Variants in FNDC3B observed in about 807,000 individuals in gnomAD.
FNDC3B encodes the protein fibronectin type III domain containing 3B, also known as fibronectin type III domain-containing protein 3B.
Under a neutral mutation model 151.5 loss-of-function variants are expected in FNDC3B, and 12 were observed. The ratio of observed to expected loss-of-function variants is 0.08; its 90% CI spans 0.05 to 0.13. FNDC3B has a LOEUF of 0.13. Among genes scored for constraint, FNDC3B ranks in the 10% least tolerant of loss-of-function variants. The pLI is 1.00. For missense variants in FNDC3B, 1,214 were observed against 1,505.3 expected (o/e 0.81, Z 3.20); for synonymous variants, 528 against 549.0 (o/e 0.96, Z 0.54).
chr3:172,144,077 T>A (rs1246198640), intron 3 of FNDC3B, among the ~76,000 whole-genome samples: 4 of 152,118 alleles, frequency 2.6e-5, no homozygotes. Flanking sequence ...ATAGGAAGCT[T>A]GGTGCTGGGA....
chr3:172,247,833 A>T, intron 5 of FNDC3B, 57 bp downstream of exon 5: 1 of 1,577,294 alleles, frequency 6.3e-7, no homozygotes. Context: ...GCGTTTCAAT[A>T]GTTCAAGGCG....
intron 3 of FNDC3B, among the ~76,000 whole-genome samples, chr3:172,204,852 TG>T (rs1383472663): frequency 1.3e-5 from 2 of 152,104 alleles, no homozygotes; most frequent in Non-Finnish European, 2.9e-5. Flanking sequence ...CTTGGTTGAG[TG>T]GGTGGAAAAA....
At chr3:172,173,137 T>C (rs561450634) in intron 3 of FNDC3B, among the ~76,000 whole-genome samples, 139 of 152,270 alleles carry the variant, frequency 9.1e-4, no homozygotes, top group Non-Finnish European at 8.8e-4. Context: ...AGTATAGAGT[T>C]AGAGATAAAG....
intron 1 of FNDC3B, among the ~76,000 whole-genome samples, chr3:172,048,386 G>T (rs187911005): frequency 3.9e-5 from 6 of 152,054 alleles, no homozygotes; most frequent in African/African-American, 9.6e-5. Flanking sequence ...TTCGATCATG[G>T]TTTTTTTAAT....
intron 7 of FNDC3B, among the ~76,000 whole-genome samples, chr3:172,290,328 A>G (rs1479318712): frequency 1.3e-5 from 2 of 152,198 alleles, no homozygotes; most frequent in African/African-American, 4.8e-5. Flanking sequence ...TTTAAATTTT[A>G]TTAAAATGGT....
chr3:172,292,410 T>C lies in FNDC3B; in HGVS notation c.850-2953T>C, dbSNP rs1264632695. 2.6e-5 allele frequency among the ~76,000 whole-genome samples: 4 copies of C among 152,328 alleles called. No individual in the cohort carries two copies. In the East Asian group the frequency reaches 7.7e-4, roughly 29 times the overall value. On this transcript the variant is annotated intron_variant, in intron 7 of 25. Transcript: ENST00000415807. ...TTAGGGACTCTAGGGAAAAAGTGAA[T>C]GTTATTTTAGTTGATGCTTCAAGTG...
At chr3:172,384,682 C>T (rs1198133067) in intron 25 of FNDC3B, among the ~76,000 whole-genome samples, 2 of 152,314 alleles carry the variant, frequency 1.3e-5, no homozygotes, top group East Asian at 1.9e-4. Context: ...TTGAAAAAAG[C>T]AGCATTATTT....
intron 3 of FNDC3B, among the ~76,000 whole-genome samples, chr3:172,140,664 G>A (rs891486283): frequency 6.6e-6 from 1 of 152,202 alleles, no homozygotes; most frequent in Non-Finnish European, 1.5e-5. Flanking sequence ...AGGAATGAGA[G>A]CAAAGGCTGT....
intron 3 of FNDC3B, among the ~76,000 whole-genome samples, chr3:172,182,907 A>G (rs1376736416): frequency 6.6e-6 from 1 of 152,248 alleles, no homozygotes; most frequent in Non-Finnish European, 1.5e-5. Context: ...TTCAGCTCTG[A>G]AACTTCACCT....
At chr3:172,169,721 G>A (rs34099906) in intron 3 of FNDC3B, among the ~76,000 whole-genome samples, 51,293 of 152,070 alleles carry the variant, frequency 0.34, 9,793 homozygotes, top group East Asian at 0.53. Context: ...AGTGAGAAAA[G>A]CTGCACAGGT....
chr3:172,333,488 A>ATTTTTTTTTTTTTTT (rs748224819), intron 14 of FNDC3B, among the ~76,000 whole-genome samples: 1 of 102,834 alleles, frequency 9.7e-6, no homozygotes, highest in Non-Finnish European at 1.9e-5. Flanking sequence ...TGCCCGGCTA[A>ATTTTTTTTTTTTTTT]TTTTTTTTTT....
chr3:172,076,010 G>C (rs2108492585), intron 1 of FNDC3B, among the ~76,000 whole-genome samples: 1 of 152,188 alleles, frequency 6.6e-6, no homozygotes, highest in South Asian at 2.1e-4. Flanking sequence ...TGGTTAGCTT[G>C]TTTGCCTTTA....
chr3:172,342,026 T>C (rs2108307476), intron 17 of FNDC3B, among the ~76,000 whole-genome samples: 1 of 152,370 alleles, frequency 6.6e-6, no homozygotes, highest in Non-Finnish European at 1.5e-5. Context: ...CCACTAAACA[T>C]TTAAAATGAA....
At chr3:172,327,120 A>G (rs1732396425) in intron 11 of FNDC3B, among the ~76,000 whole-genome samples, 1 of 152,200 alleles carries the variant, frequency 6.6e-6, no homozygotes, top group Non-Finnish European at 1.5e-5. Context: ...CTCAACCTCA[A>G]CACTCAAGGT....
intron 4 of FNDC3B, among the ~76,000 whole-genome samples, chr3:172,244,033 T>C (rs1179997630): frequency 2.6e-5 from 4 of 152,258 alleles, no homozygotes; most frequent in Non-Finnish European, 2.9e-5. Flanking sequence ...ATTTCTGAAA[T>C]CACCACACTT....
Position 172,219,049 on chromosome 3 carries a change from T to C in FNDC3B, c.188-7822T>C, listed in dbSNP as rs192545228. On this transcript the variant is annotated intron_variant, in intron 3 of 25. Coordinates refer to ENST00000415807, the MANE Select transcript of FNDC3B (RefSeq NM_022763.4). ...CCCTGTTGTTCCATCTCTTGCCTGC[T>C]CTTTCCTGGGCTGGTCAGCTTGCTT... is the stretch of plus-strand genomic sequence containing the variant. Among the ~76,000 whole-genome samples the C allele has an allele frequency of 4.6e-5, 7 of 152,362 alleles. No homozygotes were observed. The East Asian group carries it at 1.3e-3, about 29-fold the overall frequency.
rs1460316086 is a variant in FNDC3B at position 172,334,989 on chromosome 3, C to A, written c.1687C>A (p.Leu563Ile). Reference protein sequence around the residue: ...TEGKSCPSEVLVCTTSPDRPG... With the variant: ...TEGKSCPSEVIVCTTSPDRPG... ...AGGAAAAAGCTGTCCAAGCGAAGTT[C>A]TTGTTTGTACGACGAGTCCTGACAG... Residue 563 changes from leucine (L) to isoleucine (I), a missense_variant, in exon 15 of 26, where the codon CTT (leucine) becomes ATT (isoleucine). Leu to Ile is a conservative substitution (Grantham distance 5). Around this residue, in one of 7 missense-constraint regions of FNDC3B, gnomAD observed 380 missense variants for 420.9 expected, o/e 0.90. Coordinates refer to ENST00000415807, the MANE Select transcript of FNDC3B (RefSeq NM_022763.4). The A allele has an allele frequency of 1.9e-6, 3 of 1,613,794 alleles. No individual in the cohort carries two copies. The highest frequency in any genetic ancestry group is 2.5e-6 in the Non-Finnish European group (3 of 1,179,876).
intron 25 of FNDC3B, among the ~76,000 whole-genome samples, chr3:172,383,161 G>T (rs1030859240): frequency 2.0e-5 from 3 of 152,170 alleles, no homozygotes; most frequent in African/African-American, 7.2e-5. Flanking sequence ...GTGGTTTGTA[G>T]TTCTCCCTGA....
intron 21 of FNDC3B, among the ~76,000 whole-genome samples, chr3:172,349,313 G>T (rs532369706): frequency 3.9e-5 from 6 of 152,210 alleles, no homozygotes; most frequent in Non-Finnish European, 5.9e-5. Context: ...TACCTGTACT[G>T]TGTTTTATAG....
Sources: allele counts gnomAD v4.1 joint callset (sites outside exome capture counted in the v4.1 genomes callset), GRCh38; gene constraint gnomAD v4.1.1; regional missense constraint gnomAD v4.1.1; transcripts MANE v1.5; gene names NCBI Gene and HGNC (gene_info 2026-07-23, HGNC 2026-07-21).